Variants in PRR16 observed in about 807,000 individuals in gnomAD.
The protein encoded by PRR16 is protein Largen.
A neutral mutation model predicts 18.2 loss-of-function variants in PRR16; 6 were observed. That is an observed-to-expected ratio of 0.33 (90% CI 0.18 to 0.65). The LOEUF is 0.65. PRR16 is among the 30% of genes least tolerant of loss of function. PRR16 has a pLI of 0.74. For missense variants in PRR16, 412 were observed against 376.6 expected, an observed-to-expected ratio of 1.09 and a Z score of -0.78; for synonymous variants, 151 against 147.8, an observed-to-expected ratio of 1.02 and a Z score of -0.16.
At chr5:120,754,199 T>A in the PRR16 span, among the ~76,000 whole-genome samples, 1 of 97,818 alleles carries the variant, frequency 1.0e-5, no homozygotes, top group Non-Finnish European at 1.9e-5. Flanking sequence ...TATAATTATA[T>A]ATTATAAATT....
Position 120,671,998 on chromosome 5 carries a change from CA to C in PRR16, c.160-13955del, listed in dbSNP as rs544124738. Among the ~76,000 whole-genome samples, 310 of 152,258 alleles carry C rather than the reference CA, an allele frequency of 2.0e-3. 1 individual carries two copies. The highest frequency in any genetic ancestry group is 3.1e-3 in the Non-Finnish European group (214 of 68,012). ...GTATGTTTATTGTTCATTTATTCAA[CA>C]TATATTCTTATTCTAGACATAAATG... On this transcript the variant is annotated intron_variant, in intron 1 of 1. Coordinates refer to ENST00000407149, the MANE Select transcript of PRR16 (RefSeq NM_001300783.2).
chr5:120,726,880 G>A, the PRR16 span, among the ~76,000 whole-genome samples: 43 of 152,158 alleles, frequency 2.8e-4, no homozygotes, highest in African/African-American at 7.7e-4. Flanking sequence ...TCTTCTACCC[G>A]CCTATGTAGT....
chr5:120,494,857 T>C lies in PRR16; in HGVS notation c.159+30212T>C, dbSNP rs115208726. Among the ~76,000 whole-genome samples the C allele has an allele frequency of 3.3e-3, 498 of 152,242 alleles. 3 individuals carry two copies. The highest frequency in any genetic ancestry group is 0.011 in the African/African-American group (475 of 41,564). Reference sequence around the variant, plus strand: ...TAGTGAAAAAACTAGCTTTCTTCCATTGAGTTGCTTTTGGTCCTTTATAAA... The same window carrying C: ...TAGTGAAAAAACTAGCTTTCTTCCACTGAGTTGCTTTTGGTCCTTTATAAA... On this transcript the variant is annotated intron_variant, in intron 1 of 1. Coordinates refer to ENST00000407149, the MANE Select transcript of PRR16 (RefSeq NM_001300783.2).
At chr5:120,711,960 T>C in the PRR16 span, among the ~76,000 whole-genome samples, 1 of 152,200 alleles carries the variant, frequency 6.6e-6, no homozygotes, top group Non-Finnish European at 1.5e-5. Context: ...CAGAAAATTC[T>C]GTGTCTAAGT....
chr5:120,596,126 T>C (rs893055986), intron 1 of PRR16, among the ~76,000 whole-genome samples: 2 of 96,952 alleles, frequency 2.1e-5, no homozygotes, highest in South Asian at 8.1e-4. Flanking sequence ...TGTTCTATTT[T>C]TTTTATCTCT....
chr5:120,716,799 G>A, the PRR16 span, among the ~76,000 whole-genome samples: 1 of 152,156 alleles, frequency 6.6e-6, no homozygotes, highest in Non-Finnish European at 1.5e-5. Context: ...TCAAGTCTGG[G>A]AGGCGGAGAT....
At chr5:120,645,284 A>G (rs1755550174) in intron 1 of PRR16, among the ~76,000 whole-genome samples, 1 of 151,888 alleles carries the variant, frequency 6.6e-6, no homozygotes. Context: ...TGAGACTTTA[A>G]GGCTGGTACT....
At chr5:120,647,443 T>C (rs1267466053) in intron 1 of PRR16, among the ~76,000 whole-genome samples, 2 of 152,006 alleles carry the variant, frequency 1.3e-5, no homozygotes, top group East Asian at 3.9e-4. Flanking sequence ...GGGCGACAAA[T>C]ATCAGTCTCT....
intron 1 of PRR16, among the ~76,000 whole-genome samples, chr5:120,570,786 T>C (rs2112734895): frequency 6.6e-6 from 1 of 152,200 alleles, no homozygotes; most frequent in Middle Eastern, 3.4e-3. Context: ...GAAAAATGGA[T>C]TCCCAAAGAT....
intron 1 of PRR16, among the ~76,000 whole-genome samples, chr5:120,657,334 C>G (rs1015560929): frequency 1.3e-5 from 2 of 151,918 alleles, no homozygotes; most frequent in African/African-American, 4.8e-5. Flanking sequence ...AAGAATGACT[C>G]TTGTGCAGTG....
At chr5:120,465,139 C>G (rs7712011) in intron 1 of PRR16, among the ~76,000 whole-genome samples, 10,592 of 152,194 alleles carry the variant, frequency 0.07, 742 homozygotes, top group African/African-American at 0.18. Flanking sequence ...CTGGAGGAAG[C>G]TTGGCTCAGA....
chr5:120,576,088 C>T (rs913439916), intron 1 of PRR16, among the ~76,000 whole-genome samples: 3 of 152,092 alleles, frequency 2.0e-5, no homozygotes, highest in Admixed American at 6.5e-5. Context: ...GCATAAAGGA[C>T]ATGATTCCAT....
intron 1 of PRR16, among the ~76,000 whole-genome samples, chr5:120,491,054 T>A (rs1750017733): frequency 1.3e-5 from 2 of 152,186 alleles, no homozygotes; most frequent in Admixed American, 1.3e-4. Context: ...GAGGTATCAG[T>A]CTGCCCCTAC....
At chr5:120,694,138 A>G in the PRR16 span, among the ~76,000 whole-genome samples, 45 of 152,334 alleles carry the variant, frequency 3.0e-4, no homozygotes, top group Admixed American at 2.6e-3. Context: ...AATCATTCTT[A>G]TTAATTTGTG....
At chr5:120,748,425 T>A in the PRR16 span, among the ~76,000 whole-genome samples, 1 of 152,108 alleles carries the variant, frequency 6.6e-6, no homozygotes, top group African/African-American at 2.4e-5. Context: ...ATTCATTCAT[T>A]CACCTGACAT....
At chr5:120,556,353 G>C (rs1752412151) in intron 1 of PRR16, among the ~76,000 whole-genome samples, 1 of 146,116 alleles carries the variant, frequency 6.8e-6, no homozygotes, top group African/African-American at 2.5e-5. Flanking sequence ...TTGGCTTTTT[G>C]GGGTGCAGTC....
At chr5:120,751,766 C>A in the PRR16 span, among the ~76,000 whole-genome samples, 4 of 152,082 alleles carry the variant, frequency 2.6e-5, no homozygotes, top group South Asian at 4.1e-4. Flanking sequence ...AAATACTAAT[C>A]TCATTTCACT....
chr5:120,634,601 C>A (rs1326412493), intron 1 of PRR16, among the ~76,000 whole-genome samples: 1 of 152,114 alleles, frequency 6.6e-6, no homozygotes, highest in Non-Finnish European at 1.5e-5. Flanking sequence ...CAAGATCATG[C>A]CACTGCACTC....
At chr5:120,551,388 C>T (rs906878090) in intron 1 of PRR16, among the ~76,000 whole-genome samples, 81 of 151,924 alleles carry the variant, frequency 5.3e-4, no homozygotes, top group Middle Eastern at 6.8e-3. Context: ...GTTAAAATGC[C>T]GGCTCTTTCG....
Sources: gnomAD v4.1 joint callset for allele counts (sites outside exome capture counted in the v4.1 genomes callset) on GRCh38, gnomAD v4.1.1 for gene constraint, MANE v1.5 for transcripts, NCBI Gene and HGNC (gene_info 2026-07-23, HGNC 2026-07-21) for gene names.